Variants in NEXMIF observed in about 807,000 individuals in gnomAD.
NEXMIF encodes the protein neurite extension and migration factor.
In NEXMIF, 8 loss-of-function variants were observed where a neutral mutation model predicts 62.1. The ratio of observed to expected loss-of-function variants is 0.13; its 90% CI spans 0.08 to 0.23. NEXMIF has a LOEUF of 0.23. NEXMIF is among the 10% of genes least tolerant of loss of function. The probability of loss-of-function intolerance (pLI) is 1.00; values close to 1 mark genes in which losing one functional copy is unlikely to be tolerated. For synonymous variants in NEXMIF, 404 were observed against 416.6 expected (o/e 0.97, Z 0.37); for missense variants, 976 against 1,113.3 (o/e 0.88, Z 1.75).
chrX:74,776,292 A>G (rs938337825), intron 1 of NEXMIF, among the ~76,000 whole-genome samples: 1 of 112,119 alleles, frequency 8.9e-6, no homozygotes, highest in Non-Finnish European at 1.9e-5. Context: ...CCCATATGGT[A>G]TCTTTCATTC....
intron 1 of NEXMIF, among the ~76,000 whole-genome samples, chrX:74,813,625 C>T (rs759379372): frequency 1.8e-5 from 2 of 112,349 alleles, no homozygotes; most frequent in East Asian, 5.6e-4. Flanking sequence ...AACTAGTGAG[C>T]TAGTAGCTAC....
intron 1 of NEXMIF, among the ~76,000 whole-genome samples, chrX:74,887,196 C>T (rs1436672487): frequency 3.6e-5 from 4 of 111,684 alleles, no homozygotes; most frequent in Non-Finnish European, 5.6e-5. Context: ...CCATAAAAAC[C>T]CTAGAAGAAA....
intron 1 of NEXMIF, among the ~76,000 whole-genome samples, chrX:74,844,515 A>C (rs1327438178): frequency 9.0e-6 from 1 of 111,423 alleles, no homozygotes; most frequent in East Asian, 2.8e-4. Context: ...AAGAAAAAAG[A>C]ACAGTTGTTT....
At chrX:74,756,240 C>T (rs752661545) in intron 1 of NEXMIF, among the ~76,000 whole-genome samples, 11 of 112,449 alleles carry the variant, frequency 9.8e-5, no homozygotes, top group Admixed American at 1.9e-4. Context: ...GGATTACAGG[C>T]GTGAGCCACC....
At position 74,824,884 on chromosome X, in the gene NEXMIF, G is replaced by A. The variant is rs138758336; in HGVS notation, c.-47-79187C>T. On this transcript the variant is annotated intron_variant, in intron 1 of 3. Coordinates refer to ENST00000055682, the MANE Select transcript of NEXMIF (RefSeq NM_001008537.3). ...AGGATGGTCTCTATCTCCTGACGTCGTGATCCGCCCACCTCGGCCTCCCAA... is the reference window on the plus strand; with the variant it reads ...AGGATGGTCTCTATCTCCTGACGTCATGATCCGCCCACCTCGGCCTCCCAA... Among the ~76,000 whole-genome samples the A allele has an allele frequency of 3.4e-3, 378 of 110,598 alleles. 2 individuals carry two copies. The highest frequency in any genetic ancestry group is 0.012 in the African/African-American group (369 of 30,405).
intron 1 of NEXMIF, among the ~76,000 whole-genome samples, chrX:74,834,742 T>C (rs1272201743): frequency 8.9e-6 from 1 of 111,790 alleles, no homozygotes; most frequent in African/African-American, 3.3e-5. Context: ...TTCTTTATCC[T>C]TGACCTTTAG....
chrX:74,894,716 A>C (rs1056296030), intron 1 of NEXMIF, among the ~76,000 whole-genome samples: 1 of 112,659 alleles, frequency 8.9e-6, no homozygotes, highest in African/African-American at 3.2e-5. Context: ...ACATCATATC[A>C]ACAAAATAAA....
chrX:74,894,037 A>G (rs2147366568), intron 1 of NEXMIF, among the ~76,000 whole-genome samples: 1 of 111,661 alleles, frequency 9.0e-6, no homozygotes, highest in East Asian at 2.8e-4. Flanking sequence ...CACGCTTGAA[A>G]TCCCAGAACT....
intron 1 of NEXMIF, among the ~76,000 whole-genome samples, chrX:74,763,812 T>C (rs2080185596): frequency 8.9e-6 from 1 of 112,066 alleles, no homozygotes; most frequent in African/African-American, 3.2e-5. Context: ...TTTTGCACAT[T>C]GATTTTGTAT....
chrX:74,841,619 C>T (rs917368774), intron 1 of NEXMIF, among the ~76,000 whole-genome samples: 1 of 111,681 alleles, frequency 9.0e-6, no homozygotes, highest in Non-Finnish European at 1.9e-5. Context: ...GTGGGACTGT[C>T]ATAGATGGCT....
intron 1 of NEXMIF, among the ~76,000 whole-genome samples, chrX:74,819,055 A>G (rs1382656645): frequency 8.9e-6 from 1 of 112,024 alleles, no homozygotes; most frequent in Non-Finnish European, 1.9e-5. Context: ...CTGATCTTTG[A>G]CAAACCTTAC....
chrX:74,806,279 G>A (rs893711431), intron 1 of NEXMIF, among the ~76,000 whole-genome samples: 1 of 111,017 alleles, frequency 9.0e-6, no homozygotes, highest in African/African-American at 3.3e-5. Flanking sequence ...GGGACGGAGG[G>A]AGTGGGGCAA....
intron 1 of NEXMIF, among the ~76,000 whole-genome samples, chrX:74,760,844 T>TGA (rs2080173645): frequency 1.8e-4 from 1 of 5,697 alleles, no homozygotes; most frequent in Non-Finnish European, 1.3e-3. Flanking sequence ...GCCCTAAGAT[T>TGA]TATTTATTTA....
chrX:74,795,204 AT>A lies in NEXMIF; in HGVS notation c.-47-49508del, dbSNP rs1417149149. 7.1e-5 allele frequency among the ~76,000 whole-genome samples: 8 copies of A among 112,394 alleles called. No individual in the cohort carries two copies. In the Admixed American group the frequency reaches 7.6e-4, roughly 11 times the overall value. On this transcript the variant is annotated intron_variant, in intron 1 of 3. Coordinates refer to ENST00000055682, the MANE Select transcript of NEXMIF (RefSeq NM_001008537.3). ...AGGTATTTACCCAAGTGAATTGAAAATTTACATCCACACAAAAACCTGCTTG... is the reference window on the plus strand; with the variant it reads ...AGGTATTTACCCAAGTGAATTGAAAATTACATCCACACAAAAACCTGCTTG...
chrX:74,791,927 C>A (rs1369349258), intron 1 of NEXMIF, among the ~76,000 whole-genome samples: 1 of 111,156 alleles, frequency 9.0e-6, no homozygotes, highest in African/African-American at 3.3e-5. Flanking sequence ...AAAACCAGCT[C>A]CTGGATTCAC....
At chrX:74,820,117 CAT>C (rs1221440707) in intron 1 of NEXMIF, among the ~76,000 whole-genome samples, 1 of 110,430 alleles carries the variant, frequency 9.1e-6, no homozygotes, top group African/African-American at 3.3e-5. Context: ...TTTTCTCACT[CAT>C]AGGTGGGAAA....
At chrX:74,876,202 G>C (rs1219374170) in intron 1 of NEXMIF, among the ~76,000 whole-genome samples, 3 of 110,924 alleles carry the variant, frequency 2.7e-5, no homozygotes, top group Admixed American at 1.9e-4. Context: ...CTTTGTTCTC[G>C]TTGGTTTCAA....
chrX:74,746,582 G>A (rs1015871063), intron 1 of NEXMIF, among the ~76,000 whole-genome samples: 34 of 111,970 alleles, frequency 3.0e-4, no homozygotes, highest in African/African-American at 1.1e-3. Flanking sequence ...GGTATTGATA[G>A]TCAAGCAGCT....
intron 1 of NEXMIF, among the ~76,000 whole-genome samples, chrX:74,900,202 C>T (rs955106789): frequency 3.6e-5 from 4 of 111,076 alleles, no homozygotes; most frequent in South Asian, 3.8e-4. Context: ...CGGTGGCTCA[C>T]GCCTGTAATC....
Sources: gnomAD v4.1 joint callset for allele counts (sites outside exome capture counted in the v4.1 genomes callset) on GRCh38, gnomAD v4.1.1 for gene constraint, MANE v1.5 for transcripts, NCBI Gene and HGNC (gene_info 2026-07-23, HGNC 2026-07-21) for gene names.